The following SLC9A8 variants were observed in gnomAD, a reference collection of about 807,000 sequenced individuals.
The protein encoded by SLC9A8 is sodium/hydrogen exchanger 8.
SLC9A8 carries 48 observed loss-of-function variants against 66.6 expected under a neutral mutation model. That is an observed-to-expected ratio of 0.72 (90% confidence interval 0.57 to 0.92). The LOEUF (loss-of-function observed/expected upper bound fraction) is 0.92, where lower values mean the gene tolerates loss of function less well. SLC9A8 is among the 40% of genes least tolerant of loss of function. The pLI, the probability that SLC9A8 is intolerant of heterozygous loss-of-function variation, is 0.00. For missense variants in SLC9A8, 599 were observed against 747.3 expected (o/e 0.80, Z 2.31); for synonymous variants, 274 against 282.6 (o/e 0.97, Z 0.31).
intron 4 of SLC9A8, among the ~76,000 whole-genome samples, chr20:49,844,665 T>C (rs1320223418): frequency 7.0e-6 from 1 of 142,596 alleles, no homozygotes; most frequent in Admixed American, 7.2e-5. Flanking sequence ...CCCGGCATGG[T>C]AGCACGCACA....
intron 2 of SLC9A8, among the ~76,000 whole-genome samples, chr20:49,819,338 T>C (rs987571597): frequency 3.3e-4 from 51 of 152,254 alleles, no homozygotes; most frequent in African/African-American, 1.1e-3. Context: ...TCGGTTTTTT[T>C]CCAAGTGTAC....
At chr20:49,877,493 T>G (rs1475871737) in intron 11 of SLC9A8, among the ~76,000 whole-genome samples, 1 of 152,176 alleles carries the variant, frequency 6.6e-6, no homozygotes, top group Non-Finnish European at 1.5e-5. Flanking sequence ...AGTCTCACTC[T>G]GCAAATCCTG....
At chr20:49,863,397 A>G (rs545966889) in intron 9 of SLC9A8, among the ~76,000 whole-genome samples, 1 of 152,324 alleles carries the variant, frequency 6.6e-6, no homozygotes, top group South Asian at 2.1e-4. Context: ...CACATTTGGA[A>G]AACTGGAAAT....
chr20:49,892,204 A>ATTTAGAAATAAAG lies in SLC9A8; in HGVS notation c.*4269_*4270insTTAGAAATAAAGT, dbSNP rs2090060916. 5 of 152,204 alleles carry ATTTAGAAATAAAG rather than the reference A, an allele frequency of 3.3e-5. No individual in the cohort carries two copies. Among genetic ancestry groups the ATTTAGAAATAAAG allele is most frequent in the Admixed American group, 3.3e-4 (5 of 15,286 alleles). The allele number at this position is 152,204 out of a possible 1,614,324, so 9.4% of individuals were successfully genotyped here. On this transcript the variant is annotated 3_prime_UTR_variant, in exon 16 of 16. Coordinates refer to ENST00000361573, the MANE Select transcript of SLC9A8 (RefSeq NM_015266.3). ...GATGTATGAACAGTCGTGTCACTGG[A>ATTTAGAAATAAAG]TGCCTATTTAGAAATAAAGTGTATG... is the stretch of plus-strand genomic sequence containing the variant.
chr20:49,845,083 C>G lies in SLC9A8; in HGVS notation c.396C>G (p.Pro132=). 1 of 1,613,420 alleles carries G rather than the reference C, an allele frequency of 6.2e-7. No individual in the cohort carries two copies. The highest frequency in any genetic ancestry group is 8.5e-7 in the Non-Finnish European group (1 of 1,179,442). ...ACATGTTTTTCCTCCTCCTGCTTCC[C>G]CCTATTATCTTTGAGTCTGGATATT... ...RPNMFFLLLL[P]PIIFESGYSL... The change falls in exon 5 of 16, where the codon CCC becomes CCG. Residue 132 remains proline, a synonymous_variant. Transcript: ENST00000361573.
At chr20:49,840,561 ATAG>A (rs1173480926) in intron 4 of SLC9A8, among the ~76,000 whole-genome samples, 3 of 152,204 alleles carry the variant, frequency 2.0e-5, no homozygotes. Flanking sequence ...GCTGTTATAA[ATAG>A]TAGTAATGAA....
intron 14 of SLC9A8, among the ~76,000 whole-genome samples, chr20:49,885,968 G>A (rs1474199998): frequency 1.3e-5 from 2 of 152,190 alleles, no homozygotes; most frequent in African/African-American, 4.8e-5. Flanking sequence ...AGGTGGCTGC[G>A]GTGGGCTCAG....
At chr20:49,836,253 C>T (rs1217789493) in intron 3 of SLC9A8, among the ~76,000 whole-genome samples, 1 of 152,152 alleles carries the variant, frequency 6.6e-6, no homozygotes, top group East Asian at 1.9e-4. Flanking sequence ...TACTTCATTC[C>T]TTTTCATTGC....
intron 2 of SLC9A8, among the ~76,000 whole-genome samples, chr20:49,818,842 T>C (rs111263527): frequency 3.9e-5 from 6 of 152,318 alleles, no homozygotes; most frequent in African/African-American, 1.4e-4. Context: ...TTAGGTAACT[T>C]GCTAATTCAT....
rs186308114 is a variant in SLC9A8, at chr20:49,872,671, G to C, written c.959-2034G>C. Among the ~76,000 whole-genome samples, 307 of 152,192 alleles carry C rather than the reference G, an allele frequency of 2.0e-3. 1 individual carries two copies. The highest frequency in any genetic ancestry group is 7.3e-3 in the African/African-American group (302 of 41,528). ...CAGCTAATTTTTTGTATTTTTAGTA[G>C]AGACGGGGTTTCACCATCTTGACCA... On this transcript the variant is annotated intron_variant, in intron 10 of 15. Coordinates refer to ENST00000361573, the MANE Select transcript of SLC9A8 (RefSeq NM_015266.3).
chr20:49,861,342 G>A (rs967822389), intron 8 of SLC9A8, among the ~76,000 whole-genome samples: 5 of 152,148 alleles, frequency 3.3e-5, no homozygotes, highest in African/African-American at 1.2e-4. Context: ...CCAGGAGTTC[G>A]AGACCAGCCT....
At chr20:49,847,855 A>T (rs1568834092) in intron 5 of SLC9A8, among the ~76,000 whole-genome samples, 1 of 152,022 alleles carries the variant, frequency 6.6e-6, no homozygotes, top group South Asian at 2.1e-4. Context: ...AACCAAATAT[A>T]TAAATTATAT....
chr20:49,847,382 C>CTTTTTT (rs11334417), intron 5 of SLC9A8, among the ~76,000 whole-genome samples: 3 of 113,942 alleles, frequency 2.6e-5, no homozygotes, highest in Non-Finnish European at 3.7e-5. Context: ...TTTTTCTTTT[C>CTTTTTT]TTTTTTTTTT....
At chr20:49,870,600 C>T (rs1234461527) in intron 10 of SLC9A8, among the ~76,000 whole-genome samples, 1 of 152,158 alleles carries the variant, frequency 6.6e-6, no homozygotes, top group African/African-American at 2.4e-5. Flanking sequence ...CTAGTATATG[C>T]ACCACGACAA....
intron 10 of SLC9A8, among the ~76,000 whole-genome samples, chr20:49,871,300 T>A (rs1212772573): frequency 2.0e-5 from 3 of 152,238 alleles, no homozygotes; most frequent in Non-Finnish European, 4.4e-5. Context: ...CCTTTTGGAC[T>A]TGAATCCCAT....
chr20:49,882,763 A>G lies in SLC9A8; in HGVS notation c.1271-1083A>G, dbSNP rs2089678744. ...GGTACTAAGCACTTGCTGGGTACAC[A>G]CCCTGTTAAAGCACATTACATGTCC... On this transcript the variant is annotated intron_variant, in intron 13 of 15. Coordinates refer to ENST00000361573, the MANE Select transcript of SLC9A8 (RefSeq NM_015266.3). Among the ~76,000 whole-genome samples, 6 of 152,118 alleles carry G rather than the reference A, an allele frequency of 3.9e-5. No homozygotes were observed. The South Asian group carries it at 1.2e-3, about 32-fold the overall frequency.
chr20:49,866,471 A>G (rs1392730723), intron 10 of SLC9A8, among the ~76,000 whole-genome samples: 7 of 152,196 alleles, frequency 4.6e-5, no homozygotes, highest in African/African-American at 1.7e-4. Context: ...ATCATTTTAC[A>G]TTCCTCAGAA....
intron 2 of SLC9A8, among the ~76,000 whole-genome samples, chr20:49,820,039 CT>C (rs2086677636): frequency 6.6e-6 from 1 of 152,000 alleles, no homozygotes; most frequent in Non-Finnish European, 1.5e-5. Context: ...GTTTTTATTT[CT>C]TTTGGATATA....
At chr20:49,881,384 C>T (rs1253693450) in intron 13 of SLC9A8, among the ~76,000 whole-genome samples, 2 of 152,286 alleles carry the variant, frequency 1.3e-5, no homozygotes, top group African/African-American at 4.8e-5. Context: ...ATAATGGTCT[C>T]AAGGTAGAAA....
Sources: gnomAD v4.1 joint callset for allele counts (sites outside exome capture counted in the v4.1 genomes callset) on GRCh38, gnomAD v4.1.1 for gene constraint, MANE v1.5 for transcripts, NCBI Gene and HGNC (gene_info 2026-07-23, HGNC 2026-07-21) for gene names.